The following GRIA3 variants were observed in gnomAD, a reference collection of about 807,000 sequenced individuals.
GRIA3 encodes glutamate ionotropic receptor AMPA type subunit 3.
A neutral mutation model predicts 63.0 loss-of-function variants in GRIA3; 3 were observed. The ratio of observed to expected loss-of-function variants is 0.05; its 90% CI spans 0.02 to 0.12. The LOEUF is 0.12. GRIA3 is among the 10% of genes least tolerant of loss of function. The pLI is 1.00. For synonymous variants in GRIA3, 274 were observed against 257.9 expected, an observed-to-expected ratio of 1.06 and a Z score of -0.60; for missense variants, 347 against 700.9, an observed-to-expected ratio of 0.50 and a Z score of 5.70.
chrX:123,432,603 G>A (rs1403657759), intron 12 of GRIA3, among the ~76,000 whole-genome samples: 1 of 111,543 alleles, frequency 9.0e-6, no homozygotes, highest in African/African-American at 3.3e-5. Flanking sequence ...TTAGTTTGTT[G>A]CTTACTTTGC....
chrX:123,428,276 C>G, intron 12 of GRIA3, 137 bp downstream of exon 12: 1 of 517,218 alleles, frequency 1.9e-6, no homozygotes. Context: ...AAATACTGGG[C>G]TGCTTGGTTG....
intron 2 of GRIA3, among the ~76,000 whole-genome samples, chrX:123,200,700 A>G (rs1270305700): frequency 2.7e-5 from 3 of 109,776 alleles, no homozygotes; most frequent in Non-Finnish European, 5.7e-5. Flanking sequence ...AAGGCTTACT[A>G]TTATACCTCA....
chrX:123,475,245 C>G (rs758191427), intron 13 of GRIA3, among the ~76,000 whole-genome samples: 17 of 112,211 alleles, frequency 1.5e-4, no homozygotes, highest in Non-Finnish European at 2.4e-4. Flanking sequence ...TCCACCCCAC[C>G]TCAAACATTT....
chrX:123,387,719 T>C (rs867624128), intron 5 of GRIA3, among the ~76,000 whole-genome samples: 3 of 112,724 alleles, frequency 2.7e-5, no homozygotes, highest in Non-Finnish European at 5.6e-5. Context: ...ATTCTGTTGA[T>C]GCAATGTATT....
chrX:123,319,116 C>G (rs994380925), intron 3 of GRIA3, among the ~76,000 whole-genome samples: 3 of 111,721 alleles, frequency 2.7e-5, no homozygotes, highest in Non-Finnish European at 1.9e-5. Flanking sequence ...TTACCTCCCC[C>G]TGGGCCACTC....
At chrX:123,277,877 G>A (rs1040416240) in intron 3 of GRIA3, among the ~76,000 whole-genome samples, 2 of 111,663 alleles carry the variant, frequency 1.8e-5, no homozygotes, top group African/African-American at 3.3e-5. Context: ...ATGTGGGGTG[G>A]GGCCTAGACT....
In GRIA3 at chrX:123,321,941, G is replaced by A. The variant is rs766019486; in HGVS notation, c.509-4085G>A. Among the ~76,000 whole-genome samples the A allele has an allele frequency of 7.2e-5, 8 of 111,394 alleles. No individual in the cohort carries two copies. The South Asian group carries it at 1.5e-3, about 22-fold the overall frequency. On this transcript the variant is annotated intron_variant, in intron 3 of 15. Coordinates refer to ENST00000620443, the MANE Select transcript of GRIA3 (RefSeq NM_007325.5). Reference sequence around the variant, plus strand: ...GATGACTTGCCCTTAGAGTTACCTCGCTGGGGGTATGAGGGTTGTGCCTTT... The same window carrying A: ...GATGACTTGCCCTTAGAGTTACCTCACTGGGGGTATGAGGGTTGTGCCTTT...
intron 2 of GRIA3, among the ~76,000 whole-genome samples, chrX:123,238,145 A>T (rs1051236696): frequency 5.4e-5 from 6 of 111,606 alleles, no homozygotes; most frequent in Admixed American, 9.5e-5. Context: ...ACCTAACTCT[A>T]TTGCATGCTC....
chrX:123,366,210 T>C, intron 5 of GRIA3, among the ~76,000 whole-genome samples: 1 of 111,488 alleles, frequency 9.0e-6, no homozygotes, highest in Non-Finnish European at 1.9e-5. Context: ...TGACTTAGAA[T>C]GCCTAACCAC....
chrX:123,333,406 T>C (rs1219620923), intron 4 of GRIA3, among the ~76,000 whole-genome samples: 1 of 111,793 alleles, frequency 8.9e-6, no homozygotes, highest in Admixed American at 9.5e-5. Flanking sequence ...GCCAGCCAAC[T>C]GTTGTGAGGT....
intron 5 of GRIA3, among the ~76,000 whole-genome samples, chrX:123,392,234 C>T (rs1254696347): frequency 1.8e-5 from 2 of 112,081 alleles, no homozygotes; most frequent in Non-Finnish European, 3.8e-5. Context: ...TGTAGCAGCA[C>T]TGCTACTAGG....
intron 12 of GRIA3, among the ~76,000 whole-genome samples, chrX:123,439,420 C>T (rs764482054): frequency 1.8e-5 from 2 of 111,807 alleles, no homozygotes; most frequent in South Asian, 7.6e-4. Context: ...ACGTGGTTAA[C>T]TTCTATGCCT....
At chrX:123,252,218 A>C (rs2147281998) in intron 2 of GRIA3, among the ~76,000 whole-genome samples, 1 of 112,052 alleles carries the variant, frequency 8.9e-6, no homozygotes, top group African/African-American at 3.2e-5. Flanking sequence ...CTGCTAAATA[A>C]GATTCTATTT....
intron 12 of GRIA3, among the ~76,000 whole-genome samples, chrX:123,434,928 C>T (rs1405494805): frequency 8.9e-6 from 1 of 112,203 alleles, no homozygotes; most frequent in Non-Finnish European, 1.9e-5. Context: ...TAATAATATG[C>T]CTGATATTCC....
Position 123,184,300 on chromosome X carries a change from G to A in GRIA3, c.-236G>A. On this transcript the variant is annotated 5_prime_UTR_variant, in exon 1 of 16. Coordinates refer to ENST00000620443, the MANE Select transcript of GRIA3 (RefSeq NM_007325.5). ...AGCAAGAAAGGAAGAGAGAGCGAGC[G>A]AGAGAGAGCGAGCGAATAAGAGAGA... The A allele has an allele frequency of 2.4e-6, 1 of 408,761 alleles. No individual in the cohort carries two copies. The highest frequency in any genetic ancestry group is 2.5e-5 in the African/African-American group (1 of 39,327). The allele number at this position is 408,761 out of a possible 1,213,427, so 33.7% of individuals were successfully genotyped here.
intron 13 of GRIA3, among the ~76,000 whole-genome samples, chrX:123,471,374 T>C (rs187154616): frequency 1.8e-5 from 2 of 112,478 alleles, no homozygotes; most frequent in Non-Finnish European, 3.8e-5. Flanking sequence ...AATGATTTTT[T>C]AAAAAATGAA....
chrX:123,404,911 T>C lies in GRIA3; in HGVS notation c.1497T>C (p.Tyr499=), dbSNP rs747272189. ...IWNGMVGELV[Y]GRADIAVAPL... ...ACGGCATGGTTGGGGAACTTGTCTA[T>C]GGGGTGAGTTTTTTCCAATTCTGTT... Residue 499 remains tyrosine, a synonymous_variant, in exon 10 of 16, where the codon TAT becomes TAC. Coordinates refer to ENST00000620443, the MANE Select transcript of GRIA3 (RefSeq NM_007325.5). 8.6e-7 allele frequency: 1 copy of C among 1,167,399 alleles called. No individual in the cohort carries two copies. Among genetic ancestry groups the C allele is most frequent in the East Asian group, 3.0e-5 (1 of 33,589 alleles).
At chrX:123,309,747 C>A (rs759896251) in intron 3 of GRIA3, among the ~76,000 whole-genome samples, 1 of 111,854 alleles carries the variant, frequency 8.9e-6, no homozygotes, top group African/African-American at 3.3e-5. Context: ...GGGCCCCACA[C>A]CTACATTTCC....
At chrX:123,407,453 T>C (rs1301281093) in intron 10 of GRIA3, among the ~76,000 whole-genome samples, 1 of 110,945 alleles carries the variant, frequency 9.0e-6, no homozygotes, top group Non-Finnish European at 1.9e-5. Context: ...GGCTGGGAAG[T>C]CCAAGATCAA....
Sources: gnomAD v4.1 joint callset for allele counts (sites outside exome capture counted in the v4.1 genomes callset) on GRCh38, gnomAD v4.1.1 for gene constraint, MANE v1.5 for transcripts, NCBI Gene and HGNC (gene_info 2026-07-23, HGNC 2026-07-21) for gene names.